Variants in NHSL1 observed in about 807,000 individuals in gnomAD.
The protein encoded by NHSL1 is NHS-like protein 1.
Under a neutral mutation model 95.0 loss-of-function variants are expected in NHSL1, and 48 were observed. The ratio of observed to expected loss-of-function variants is 0.51; its 90% confidence interval spans 0.40 to 0.64. The LOEUF (loss-of-function observed/expected upper bound fraction) is 0.64. NHSL1 is among the 30% of genes least tolerant of loss of function. The pLI is 0.00. For synonymous variants in NHSL1, 783 were observed against 833.9 expected, an observed-to-expected ratio of 0.94 and a Z score of 1.05; for missense variants, 1,971 against 2,077.7, an observed-to-expected ratio of 0.95 and a Z score of 1.00.
chr6:138,646,874 T>C (rs6570249), intron 1 of NHSL1, among the ~76,000 whole-genome samples: 15,033 of 152,218 alleles, frequency 0.099, 921 homozygotes, highest in African/African-American at 0.18. Context: ...ACTGGTGTAT[T>C]CAAATAAGAA....
intron 1 of NHSL1, among the ~76,000 whole-genome samples, chr6:138,527,774 G>A (rs545339988): frequency 1.3e-5 from 2 of 152,174 alleles, no homozygotes; most frequent in South Asian, 2.1e-4. Context: ...CAGTTCCTGG[G>A]TCTAGCCAGG....
upstream of NHSL1, among the ~76,000 whole-genome samples, chr6:138,576,355 G>A (rs754607101): frequency 5.3e-5 from 8 of 152,164 alleles, no homozygotes; most frequent in Non-Finnish European, 1.2e-4. Context: ...AATCTTCAAA[G>A]TAATGAAAAC....
chr6:138,661,719 T>C (rs957115370), intron 1 of NHSL1, among the ~76,000 whole-genome samples: 1 of 151,780 alleles, frequency 6.6e-6, no homozygotes, highest in African/African-American at 2.4e-5. Flanking sequence ...TGTTAAAGCA[T>C]GTCTTCATTA....
chr6:138,433,232 T>C lies in NHSL1; in HGVS notation c.1113A>G (p.Gly371=), dbSNP rs1272860622. ...PQADENLGHL[G]GASGTGTLLR... is the part of the protein sequence containing the mutation. ...AAAGTGTTCCAGTCCCTGAGGCACC[T>C]CCTAAATGGCCTAAGTTTTCATCTG... is the stretch of plus-strand genomic sequence containing the variant. The change falls in exon 6 of 8, where the codon GGA becomes GGG. Residue 371 remains glycine (G), a synonymous_variant. Transcript: ENST00000343505. The C allele has an allele frequency of 1.3e-6, 2 of 1,551,412 alleles. No individual in the cohort carries two copies. The highest frequency in any genetic ancestry group is 1.7e-6 in the Non-Finnish European group (2 of 1,146,848).
chr6:138,464,283 C>A, intron 3 of NHSL1: 1 of 780,782 alleles, frequency 1.3e-6, no homozygotes, highest in Non-Finnish European at 2.1e-6. Context: ...CTTTGGCAGA[C>A]CCTGGTGTCG....
intron 1 of NHSL1, among the ~76,000 whole-genome samples, chr6:138,610,396 G>C (rs187930399): frequency 6.6e-6 from 1 of 151,910 alleles, no homozygotes; most frequent in Non-Finnish European, 1.5e-5. Flanking sequence ...GTAGTGGAGT[G>C]GGGGGAGCGG....
chr6:138,673,034 GATA>G (rs1486138115), intron 1 of NHSL1, among the ~76,000 whole-genome samples: 3 of 3,522 alleles, frequency 8.5e-4, no homozygotes, highest in African/African-American at 1.1e-3. Context: ...TAGATAGGTA[GATA>G]GATAGATAGA....
intron 3 of NHSL1, among the ~76,000 whole-genome samples, chr6:138,470,219 C>T (rs1642618775): frequency 6.6e-6 from 1 of 152,132 alleles, no homozygotes; most frequent in African/African-American, 2.4e-5. Context: ...TACAAGTTCC[C>T]CATAAATATC....
chr6:138,431,411 A>G lies in NHSL1; in HGVS notation c.2934T>C (p.Ala978=). ...SPVFPPPPPE[A]LIPFCSPPDW... ...CAGGTGGGGAGCAGAAAGGAATGAGAGCTTCTGGCGGCGGAGGGGGGAACA... is the reference window on the plus strand; with the variant it reads ...CAGGTGGGGAGCAGAAAGGAATGAGGGCTTCTGGCGGCGGAGGGGGGAACA... The change falls in exon 6 of 8, where the codon GCT becomes GCC. Residue 978 remains alanine (A), a synonymous_variant. Transcript: ENST00000343505. This position sits in a 1 kb window ranked among gnomAD's most constrained non-coding sequence, Gnocchi z 4.0. 1 of 1,549,134 alleles carries G rather than the reference A, an allele frequency of 6.5e-7. No homozygotes were observed. Among genetic ancestry groups the G allele is most frequent in the South Asian group, 1.2e-5 (1 of 83,948 alleles).
rs140294829 is a variant in NHSL1, at chr6:138,612,789, ATGAG to A, written c.96+79683_96+79686del. On this transcript the variant is annotated intron_variant, in intron 1 of 3. Transcript: ENST00000491526. ...TAAAAATCTATCTTCCTTTTACAAA[ATGAG>A]TGAGTTTGTGGAGTTTAAATATCAC... is the stretch of plus-strand genomic sequence containing the variant. 9.9e-3 allele frequency among the ~76,000 whole-genome samples: 1,504 copies of A among 152,328 alleles called. 28 individuals carry two copies. Among genetic ancestry groups the A allele is most frequent in the African/African-American group, 0.033 (1,388 of 41,576 alleles).
intron 1 of NHSL1, among the ~76,000 whole-genome samples, chr6:138,564,365 C>A (rs1231197655): frequency 6.6e-6 from 1 of 152,126 alleles, no homozygotes; most frequent in Admixed American, 6.5e-5. Flanking sequence ...TTAGAGTGAT[C>A]TTCCCAAAAC....
At chr6:138,627,621 C>T (rs1443882693) in intron 1 of NHSL1, among the ~76,000 whole-genome samples, 1 of 152,272 alleles carries the variant, frequency 6.6e-6, no homozygotes, top group Non-Finnish European at 1.5e-5. Flanking sequence ...CGGTGGCTCA[C>T]GCCTGTAATC....
rs1775850432 is a variant in NHSL1 at position 138,433,394 on chromosome 6, G to A, written c.951C>T (p.Asp317=). 1.3e-6 allele frequency: 2 copies of A among 1,552,228 alleles called. No homozygotes were observed. The highest frequency in any genetic ancestry group is 1.7e-6 in the Non-Finnish European group (2 of 1,147,146). The part of the protein sequence containing the change: ...SAGIVFPSRL[D]SDAGFHSLPR... ...GAAGACTATGGAAGCCAGCATCACT[G>A]TCAAGGCGGGAAGGGAATACGATCC... Residue 317 remains aspartate, a synonymous_variant, in exon 6 of 8, where the codon GAC becomes GAT. Coordinates refer to ENST00000343505, the MANE Select transcript of NHSL1 (RefSeq NM_001144060.2).
intron 1 of NHSL1, among the ~76,000 whole-genome samples, chr6:138,639,454 C>T (rs9495172): frequency 0.046 from 7,004 of 151,438 alleles, 425 homozygotes; most frequent in African/African-American, 0.14. Flanking sequence ...CTGGCTAGCA[C>T]GGTGAAACCC....
At chr6:138,574,993 G>A (rs895670400), upstream of NHSL1, among the ~76,000 whole-genome samples, 9 of 152,026 alleles carry the variant, frequency 5.9e-5, no homozygotes, top group East Asian at 1.9e-4. Flanking sequence ...TCTGCCTCTC[G>A]GGTTCAAGTG....
In NHSL1 at chr6:138,514,108, G is replaced by C. The variant is rs182296520; in HGVS notation, c.17-17737C>G. 2.0e-3 allele frequency among the ~76,000 whole-genome samples: 298 copies of C among 152,240 alleles called. 1 individual carries two copies. Among genetic ancestry groups the C allele is most frequent in the African/African-American group, 7.0e-3 (291 of 41,542 alleles). On this transcript the variant is annotated intron_variant, in intron 1 of 4. Coordinates refer to the NHSL1 transcript ENST00000342260. ...AAGGCGGGCGGATCACCTGAGGTCA[G>C]GAGTTCGAGACCAGCCTGACCGACA...
intron 1 of NHSL1, among the ~76,000 whole-genome samples, chr6:138,669,759 T>C (rs1785340220): frequency 6.6e-6 from 1 of 152,152 alleles, no homozygotes; most frequent in Admixed American, 6.5e-5. Context: ...AGTTGGGCCT[T>C]ACCAGCCAGC....
rs1775825182 is a variant in NHSL1 at position 138,433,130 on chromosome 6, A to G, written c.1215T>C (p.His405=). The G allele has an allele frequency of 6.4e-7, 1 of 1,550,962 alleles. No homozygotes were observed. The highest frequency in any genetic ancestry group is 1.2e-5 in the South Asian group (1 of 84,060). The change falls in exon 6 of 8, where the codon CAT becomes CAC. Residue 405 remains histidine (H), a synonymous_variant. Coordinates refer to ENST00000343505, the MANE Select transcript of NHSL1 (RefSeq NM_001144060.2). ...IMSPACVVSP[H]ATYSTSIIPN... ...GGATGATGCTGGTGGAGTAGGTTGC[A>G]TGAGGAGAAACCACACACGCTGGGC...
intron 1 of NHSL1, among the ~76,000 whole-genome samples, chr6:138,515,992 G>A (rs1425433780): frequency 2.6e-5 from 4 of 152,210 alleles, no homozygotes; most frequent in Non-Finnish European, 5.9e-5. Context: ...ATGAGAGGCT[G>A]GGAGTTGGAA....
Sources: gnomAD v4.1 joint callset for allele counts (sites outside exome capture counted in the v4.1 genomes callset) on GRCh38, gnomAD v4.1.1 for gene constraint, Gnocchi (gnomAD v3.1) non-coding constraint, MANE v1.5 for transcripts, NCBI Gene and HGNC (gene_info 2026-07-23, HGNC 2026-07-21) for gene names.